Variants in OSBPL1A observed in about 807,000 individuals in gnomAD.
OSBPL1A encodes the protein oxysterol binding protein like 1A, also known as oxysterol-binding protein-related protein 1.
In OSBPL1A, 80 loss-of-function variants were observed where a neutral mutation model predicts 137.1. The ratio of observed to expected loss-of-function variants is 0.58; its 90% CI spans 0.49 to 0.70. The LOEUF is 0.70. Among genes scored for constraint, OSBPL1A ranks in the 30% least tolerant of loss-of-function variants. OSBPL1A has a pLI of 0.00. For synonymous variants in OSBPL1A, 365 were observed against 389.7 expected (o/e 0.94, Z 0.75); for missense variants, 970 against 1,129.4 (o/e 0.86, Z 2.02).
At chr18:24,325,357 T>C (rs1048303891) in intron 7 of OSBPL1A, among the ~76,000 whole-genome samples, 4 of 152,176 alleles carry the variant, frequency 2.6e-5, no homozygotes, top group Non-Finnish European at 4.4e-5. Flanking sequence ...TCCACTCTTC[T>C]CCAGCTCGCC....
At chr18:24,323,312 G>A (rs2146128570) in intron 7 of OSBPL1A, among the ~76,000 whole-genome samples, 1 of 151,380 alleles carries the variant, frequency 6.6e-6, no homozygotes, top group Middle Eastern at 3.5e-3. Flanking sequence ...CAGCACTTTG[G>A]GAGGCTGAGG....
chr18:24,201,653 C>T lies in OSBPL1A; in HGVS notation c.1602-5453G>A, dbSNP rs184580989. ...TGGCACATGCCTGCAGTCCCAGCTA[C>T]TCGGGAGGCTGAGGCAGGAGAATCA... On this transcript the variant is annotated intron_variant, in intron 17 of 27. Transcript: ENST00000319481. Among the ~76,000 whole-genome samples, 52 of 152,132 alleles carry T rather than the reference C, an allele frequency of 3.4e-4. 1 individual carries two copies. The highest frequency in any genetic ancestry group is 1.2e-3 in the African/African-American group (51 of 41,506).
intron 17 of OSBPL1A, among the ~76,000 whole-genome samples, chr18:24,221,770 A>G (rs556735984): frequency 6.6e-6 from 1 of 152,272 alleles, no homozygotes; most frequent in Admixed American, 6.5e-5. Flanking sequence ...ATTTTCAGTA[A>G]GTTTTATCTC....
chr18:24,248,320 T>C (rs1369057074), intron 15 of OSBPL1A, among the ~76,000 whole-genome samples: 1 of 152,180 alleles, frequency 6.6e-6, no homozygotes, highest in Non-Finnish European at 1.5e-5. Context: ...AGATTAGAAA[T>C]GAAACGAGTC....
intron 4 of OSBPL1A, among the ~76,000 whole-genome samples, chr18:24,349,448 A>C (rs2091400660): frequency 1.3e-5 from 2 of 152,232 alleles, no homozygotes; most frequent in Non-Finnish European, 2.9e-5. Context: ...AAAAGTTAAA[A>C]TTCTTAACCA....
At chr18:24,337,824 T>G (rs1186441364) in intron 5 of OSBPL1A, among the ~76,000 whole-genome samples, 1 of 151,594 alleles carries the variant, frequency 6.6e-6, no homozygotes. Flanking sequence ...CACTATATTT[T>G]GATTATGTAA....
At chr18:24,221,998 T>C (rs574692498) in intron 17 of OSBPL1A, among the ~76,000 whole-genome samples, 1 of 152,312 alleles carries the variant, frequency 6.6e-6, no homozygotes, top group African/African-American at 2.4e-5. Context: ...GGCGACGATG[T>C]CATCATATTT....
intron 1 of OSBPL1A, among the ~76,000 whole-genome samples, chr18:24,387,401 C>T (rs1480386755): frequency 1.3e-5 from 2 of 151,906 alleles, no homozygotes; most frequent in Admixed American, 6.6e-5. Context: ...GGCTCTAACA[C>T]CCAGGCACAA....
At position 24,178,152 on chromosome 18, in the gene OSBPL1A, G is replaced by C; in HGVS notation, c.1954C>G (p.His652Asp). Residue 652 changes from histidine to aspartate, a missense_variant, in exon 21 of 28, where the codon CAC becomes GAC. Coordinates refer to ENST00000319481, the MANE Select transcript of OSBPL1A (RefSeq NM_080597.4). ...GCATGAAATGCACTGATTGGTGGGT[G>C]ATGGCTGACCTGTTCGGAGATGAGT... ...FRLISEQVSH[H>D]PPISAFHAEG... 1 of 1,592,436 alleles carries C rather than the reference G, an allele frequency of 6.3e-7. No homozygotes were observed. The highest frequency in any genetic ancestry group is 8.6e-7 in the Non-Finnish European group (1 of 1,168,238).
intron 15 of OSBPL1A, among the ~76,000 whole-genome samples, chr18:24,241,228 T>C: frequency 6.6e-6 from 1 of 152,216 alleles, no homozygotes; most frequent in Non-Finnish European, 1.5e-5. Context: ...AAGGACTTCA[T>C]GTCTAAAATA....
chr18:24,222,831 T>C (rs1030191066), intron 17 of OSBPL1A, among the ~76,000 whole-genome samples: 4 of 152,166 alleles, frequency 2.6e-5, no homozygotes, highest in Non-Finnish European at 5.9e-5. Context: ...AAAAATAGTT[T>C]ATAATCCGTA....
chr18:24,366,868 CA>C, intron 4 of OSBPL1A, 23 bp downstream of exon 4: 1 of 1,603,132 alleles, frequency 6.2e-7, no homozygotes, highest in Non-Finnish European at 8.5e-7. Flanking sequence ...CACTTACAAA[CA>C]TTGAACATAG....
intron 15 of OSBPL1A, among the ~76,000 whole-genome samples, chr18:24,269,459 G>A (rs1262458420): frequency 6.6e-6 from 1 of 152,114 alleles, no homozygotes; most frequent in African/African-American, 2.4e-5. Context: ...GCCGGTATAA[G>A]TCAGATGACT....
chr18:24,274,778 G>A (rs373006175), intron 15 of OSBPL1A, among the ~76,000 whole-genome samples: 10 of 151,948 alleles, frequency 6.6e-5, no homozygotes, highest in East Asian at 3.9e-4. Context: ...GTGTGGTGGC[G>A]TGCACTTGTA....
rs2089721893 is a variant in OSBPL1A at position 24,271,686 on chromosome 18, G to T, written c.1281+9156C>A. 2.0e-6 allele frequency: 2 copies of T among 985,784 alleles called. No individual in the cohort carries two copies. The highest frequency in any genetic ancestry group is 4.7e-5 in the South Asian group (1 of 21,308). 61.1% of individuals were successfully genotyped at this position (985,784 alleles called of 1,614,324 possible). On this transcript the variant is annotated intron_variant, in intron 15 of 27. Coordinates refer to ENST00000319481, the MANE Select transcript of OSBPL1A (RefSeq NM_080597.4). The surrounding 1 kb of genome is among the most constrained non-coding windows in gnomAD (Gnocchi z 4.0). ...CTGCGCTCCTCGCAAGCTCCAGCGC[G>T]AATGCGCTCGGCCTGCTCCTCCTCC...
rs1749661346 is a variant in OSBPL1A at position 24,162,418 on chromosome 18, A to G, written c.*761T>C. On this transcript the variant is annotated 3_prime_UTR_variant, in exon 28 of 28. Coordinates refer to ENST00000319481, the MANE Select transcript of OSBPL1A (RefSeq NM_080597.4). ...CAAGGTTTGTCATTATGTAATGGTG[A>G]TTAAAATCTATATTTCTAGGGCATT... 6.6e-6 allele frequency: 1 copy of G among 152,270 alleles called. No homozygotes were observed. The highest frequency in any genetic ancestry group is 1.5e-5 in the Non-Finnish European group (1 of 68,042). The allele number at this position is 152,270 out of a possible 1,614,324, so 9.4% of individuals were successfully genotyped here. A position where few individuals can be genotyped will look rare whatever the true frequency, so the allele number is the denominator to read the frequency against.
intron 14 of OSBPL1A, among the ~76,000 whole-genome samples, chr18:24,298,450 G>A (rs907423245): frequency 1.3e-5 from 2 of 152,196 alleles, no homozygotes; most frequent in South Asian, 2.1e-4. Flanking sequence ...GGGTTCAAGC[G>A]ATTCTCCTGC....
At chr18:24,313,286 C>G (rs1476206457) in intron 12 of OSBPL1A, among the ~76,000 whole-genome samples, 9 of 151,734 alleles carry the variant, frequency 5.9e-5, no homozygotes, top group Non-Finnish European at 1.2e-4. Flanking sequence ...ACTAAAAACA[C>G]AAAAATTAGC....
intron 15 of OSBPL1A, among the ~76,000 whole-genome samples, chr18:24,269,534 C>G (rs1180298002): frequency 6.6e-6 from 1 of 151,960 alleles, no homozygotes; most frequent in African/African-American, 2.4e-5. Flanking sequence ...ATAAGGTAAA[C>G]AATCTATAAA....
Sources: allele counts gnomAD v4.1 joint callset (sites outside exome capture counted in the v4.1 genomes callset), GRCh38; gene constraint gnomAD v4.1.1; non-coding constraint Gnocchi (gnomAD v3.1); transcripts MANE v1.5; gene names NCBI Gene and HGNC (gene_info 2026-07-23, HGNC 2026-07-21).